PSEN1: variants seen among roughly 807,000 people sequenced by gnomAD.
The protein encoded by PSEN1 is presenilin 1, also known as presenilin-1.
A neutral mutation model predicts 53.5 loss-of-function variants in PSEN1; 15 were observed. The ratio of observed to expected loss-of-function variants is 0.28; its 90% CI spans 0.19 to 0.43. The LOEUF (loss-of-function observed/expected upper bound fraction) is 0.43. PSEN1 is among the 20% of genes least tolerant of loss of function. The pLI, the probability that PSEN1 is intolerant of heterozygous loss-of-function variation, is 1.00. For missense variants in PSEN1, 387 were observed against 571.2 expected (o/e 0.68, Z 3.29); for synonymous variants, 208 against 209.8 (o/e 0.99, Z 0.08).
In PSEN1 at chr14:73,219,413, GCTTC is replaced by G; in HGVS notation, c.*130_*133del. On this transcript the variant is annotated 3_prime_UTR_variant, in exon 12 of 12. Coordinates refer to ENST00000324501, the MANE Select transcript of PSEN1 (RefSeq NM_000021.4). ...CAAGATTCCCGGCTGGACTTTTGCA[GCTTC>G]CTTCCAAGTCTTCCTGACCACCTTG... 1 of 1,131,150 alleles carries G rather than the reference GCTTC, an allele frequency of 8.8e-7. No homozygotes were observed. The highest frequency in any genetic ancestry group is 1.3e-6 in the Non-Finnish European group (1 of 755,862). The allele number at this position is 1,131,150 out of a possible 1,614,324, so 70.1% of individuals were successfully genotyped here. A position where few individuals can be genotyped will look rare whatever the true frequency, so the allele number is the denominator to read the frequency against.
intron 1 of PSEN1, among the ~76,000 whole-genome samples, chr14:73,146,869 G>A (rs917442243): frequency 6.6e-6 from 1 of 152,130 alleles, no homozygotes; most frequent in Admixed American, 6.5e-5. Context: ...AACCTTCTGT[G>A]AAAAGGAAGA....
At chr14:73,169,018 C>T (rs928344077) in intron 3 of PSEN1, 3 of 152,182 alleles carry the variant, frequency 2.0e-5, no homozygotes, top group African/African-American at 7.2e-5. Context: ...GTGTGGTGGC[C>T]GAGTAAACGA....
chr14:73,187,045 T>G (rs1898544966), intron 6 of PSEN1, 125 bp downstream of exon 6: 2 of 791,296 alleles, frequency 2.5e-6, no homozygotes, highest in African/African-American at 3.4e-5. Context: ...CACATATAGG[T>G]CATACTTGGT....
intron 3 of PSEN1, among the ~76,000 whole-genome samples, chr14:73,153,936 A>T (rs1238577760): frequency 1.3e-5 from 2 of 151,592 alleles, no homozygotes; most frequent in Non-Finnish European, 2.9e-5. Context: ...CTGGTCTCGA[A>T]CTCCTGACCT....
At chr14:73,205,744 G>A (rs1899428992) in intron 8 of PSEN1, among the ~76,000 whole-genome samples, 1 of 152,094 alleles carries the variant, frequency 6.6e-6, no homozygotes, top group Admixed American at 6.6e-5. Flanking sequence ...TATGAGAGAA[G>A]CACCATTTTA....
At chr14:73,216,418 G>A (rs10140990) in intron 10 of PSEN1, among the ~76,000 whole-genome samples, 6 of 152,018 alleles carry the variant, frequency 3.9e-5, no homozygotes, top group African/African-American at 1.5e-4. Flanking sequence ...ATTGAATCAT[G>A]TCTTCCAGTT....
At chr14:73,204,853 G>A (rs925470252) in intron 8 of PSEN1, among the ~76,000 whole-genome samples, 5 of 151,956 alleles carry the variant, frequency 3.3e-5, no homozygotes, top group African/African-American at 7.3e-5. Flanking sequence ...CCTGGGCAAC[G>A]TAGTGAGACC....
intron 10 of PSEN1, among the ~76,000 whole-genome samples, chr14:73,214,456 G>C (rs1007551075): frequency 9.9e-5 from 15 of 151,764 alleles, no homozygotes; most frequent in African/African-American, 3.4e-4. Flanking sequence ...CTTGAACCTG[G>C]GAGGTGGAGG....
intron 1 of PSEN1, among the ~76,000 whole-genome samples, chr14:73,144,882 T>C (rs1897026400): frequency 6.6e-6 from 1 of 152,126 alleles, no homozygotes; most frequent in Non-Finnish European, 1.5e-5. Flanking sequence ...TTTATTTATA[T>C]ACCATTTATT....
chr14:73,211,059 G>A (rs1489465110), intron 9 of PSEN1, among the ~76,000 whole-genome samples: 3 of 152,294 alleles, frequency 2.0e-5, no homozygotes, highest in Admixed American at 6.5e-5. Flanking sequence ...ATCCAGGGAT[G>A]AGTGCCAACA....
intron 5 of PSEN1, 127 bp from the exon 6 acceptor site, chr14:73,186,726 G>A: frequency 2.5e-6 from 2 of 795,682 alleles, no homozygotes; most frequent in Middle Eastern, 3.5e-4. Context: ...GTGGTGAGCT[G>A]AGATCGTGCC....
intron 3 of PSEN1, among the ~76,000 whole-genome samples, chr14:73,167,104 A>G (rs1850728092): frequency 6.6e-6 from 1 of 151,602 alleles, no homozygotes; most frequent in South Asian, 2.1e-4. Flanking sequence ...TTGTTTATTC[A>G]GCTCATGGTT....
At chr14:73,194,539 G>A (rs887124552) in intron 7 of PSEN1, among the ~76,000 whole-genome samples, 1 of 151,010 alleles carries the variant, frequency 6.6e-6, no homozygotes, top group Non-Finnish European at 1.5e-5. Context: ...GGGATTACAG[G>A]CATGAGCCAC....
intron 7 of PSEN1, among the ~76,000 whole-genome samples, chr14:73,196,436 T>C: frequency 6.7e-6 from 1 of 149,254 alleles, no homozygotes; most frequent in East Asian, 1.9e-4. Flanking sequence ...TACATATATA[T>C]TATTATATGA....
intron 3 of PSEN1, chr14:73,160,126 C>A: frequency 5.6e-6 from 1 of 179,940 alleles, no homozygotes; most frequent in South Asian, 8.4e-5. Context: ...GCCCAGCTGG[C>A]TAGATATTTC....
At chr14:73,193,006 T>G in intron 7 of PSEN1, 142 bp downstream of exon 7, 2 of 742,070 alleles carry the variant, frequency 2.7e-6, no homozygotes, top group Non-Finnish European at 4.7e-6. Flanking sequence ...TTAGCTATAG[T>G]AACTTTTTCA....
chr14:73,153,680 C>T (rs1897283259), intron 3 of PSEN1, among the ~76,000 whole-genome samples: 1 of 150,742 alleles, frequency 6.6e-6, no homozygotes, highest in Non-Finnish European at 1.5e-5. Context: ...TTTTTTTGCC[C>T]ATTAAGTCTT....
intron 7 of PSEN1, among the ~76,000 whole-genome samples, chr14:73,194,827 C>T (rs1002171334): frequency 2.0e-5 from 3 of 152,138 alleles, no homozygotes; most frequent in Non-Finnish European, 4.4e-5. Flanking sequence ...CTCGGCCTCC[C>T]AAAGTGTTGG....
intron 6 of PSEN1, among the ~76,000 whole-genome samples, chr14:73,188,186 C>T (rs1898585124): frequency 6.7e-6 from 1 of 149,056 alleles, no homozygotes; most frequent in Non-Finnish European, 1.5e-5. Context: ...CTTGGCCTCC[C>T]AAAGTGCTGG....
Sources: gnomAD v4.1 joint callset for allele counts (sites outside exome capture counted in the v4.1 genomes callset) on GRCh38, gnomAD v4.1.1 for gene constraint, MANE v1.5 for transcripts, NCBI Gene and HGNC (gene_info 2026-07-23, HGNC 2026-07-21) for gene names.